Variants in MRPL24 observed in about 807,000 individuals in gnomAD.
MRPL24 encodes mitochondrial ribosomal protein L24.
A neutral mutation model predicts 26.9 loss-of-function variants in MRPL24; 15 were observed. The ratio of observed to expected loss-of-function variants is 0.56; its 90% CI spans 0.37 to 0.86. The LOEUF is 0.86. MRPL24 is among the 40% of genes least tolerant of loss of function. The probability of loss-of-function intolerance (pLI) is 0.00; values close to 1 mark genes in which losing one functional copy is unlikely to be tolerated. For missense variants in MRPL24, 241 were observed against 281.4 expected, an observed-to-expected ratio of 0.86 and a Z score of 1.03; for synonymous variants, 92 against 102.4, an observed-to-expected ratio of 0.90 and a Z score of 0.62.
At chr1:156,741,229 G>A (rs1442442369), upstream of MRPL24, 1 of 152,228 alleles carries the variant, frequency 6.6e-6, no homozygotes, top group Non-Finnish European at 1.5e-5. Flanking sequence ...CTGGAAACAG[G>A]AAGTTTGGCG....
At chr1:156,737,613 C>A (rs1475351350) in intron 5 of MRPL24, 33 bp downstream of exon 5, 2 of 1,613,062 alleles carry the variant, frequency 1.2e-6, no homozygotes, top group African/African-American at 2.7e-5. Flanking sequence ...ACTCCTAGCA[C>A]CCACCCCTGA....
chr1:156,737,830 C>T, intron 4 of MRPL24, 54 bp from the exon 5 acceptor site: 1 of 1,603,668 alleles, frequency 6.2e-7, no homozygotes, highest in Admixed American at 1.7e-5. Flanking sequence ...CTGCCACCCT[C>T]CAACCCAAAA....
chr1:156,740,046 T>C (rs1408569166), intron 1 of MRPL24, among the ~76,000 whole-genome samples: 2 of 152,228 alleles, frequency 1.3e-5, no homozygotes, highest in Non-Finnish European at 2.9e-5. Context: ...TTATTTTAAA[T>C]ATTTTAACAA....
In MRPL24 at chr1:156,737,931, C is replaced by A. The variant is rs377191595; in HGVS notation, c.383+100G>T. 6 of 1,426,740 alleles carry A rather than the reference C, an allele frequency of 4.2e-6. No individual in the cohort carries two copies. In the African/African-American group the frequency reaches 7.1e-5, roughly 17 times the overall value. 88.4% of individuals were successfully genotyped at this position (1,426,740 alleles called of 1,614,324 possible). A position where few individuals can be genotyped will look rare whatever the true frequency, so the allele number is the denominator to read the frequency against. ...CAGGGAATCATGTCCATGAGATGGT[C>A]CCTCTTAATTTCCAGAGCATCCAAC... On this transcript the variant is annotated intron_variant, in intron 4 of 5. Transcript: ENST00000361531.
upstream of MRPL24, chr1:156,741,180 C>T (rs1202262235): frequency 6.6e-6 from 1 of 152,198 alleles, no homozygotes; most frequent in East Asian, 1.9e-4. Context: ...CGAATCTTAC[C>T]TCTCAGCATG....
At chr1:156,737,578 A>G (rs1649911020) in intron 5 of MRPL24, 44 bp from the exon 6 acceptor site, 2 of 1,604,604 alleles carry the variant, frequency 1.2e-6, no homozygotes, top group South Asian at 1.1e-5. Flanking sequence ...GGGCTTGCCA[A>G]CTTTCATTAA....
upstream of MRPL24, among the ~76,000 whole-genome samples, chr1:156,741,897 T>C (rs1650144729): frequency 6.6e-6 from 1 of 152,224 alleles, no homozygotes; most frequent in Non-Finnish European, 1.5e-5. Context: ...CCAGGTGCGT[T>C]AAACAGTGGC....
intron 1 of MRPL24, 39 bp from the exon 2 acceptor site, chr1:156,738,803 G>A: frequency 8.5e-7 from 1 of 1,178,572 alleles, no homozygotes; most frequent in South Asian, 1.6e-5. Context: ...AGAGGCAAGG[G>A]AAGGAACATT....
Position 156,738,383 on chromosome 1 carries a change from A to G in MRPL24, c.239T>C (p.Ile80Thr), listed in dbSNP as rs1649959823. The G allele has an allele frequency of 1.9e-6, 3 of 1,613,986 alleles. No homozygotes were observed. The highest frequency in any genetic ancestry group is 1.1e-5 in the South Asian group (1 of 91,074). ...CACGACCACCCAGTTTCGCTGCCGGATAACTTGAACCACTTTGCCCTGCTT... is the reference window on the plus strand; with the variant it reads ...CACGACCACCCAGTTTCGCTGCCGGGTAACTTGAACCACTTTGCCCTGCTT... The part of the protein sequence containing the change: ...AGKQGKVVQV[I>T]RQRNWVVVGG... The change falls in exon 3 of 6, where the codon ATC becomes ACC. Residue 80 changes from isoleucine to threonine, a missense_variant. Ile to Thr is a moderately conservative substitution (Grantham distance 89). Coordinates refer to ENST00000361531, the MANE Select transcript of MRPL24 (RefSeq NM_145729.3).
intron 1 of MRPL24, chr1:156,740,695 T>G (rs747599625): frequency 6.6e-6 from 1 of 152,276 alleles, no homozygotes; most frequent in Non-Finnish European, 1.5e-5. Flanking sequence ...AATCCAGGTC[T>G]GAACCACCCC....
chr1:156,738,705 G>T lies in MRPL24; in HGVS notation c.-1C>A. ...AGGCCAGCAGGGCAGAAAGACGCAT[G>T]CCTGGAGGTTGTAAGAAATCCCTTT... On this transcript the variant is annotated 5_prime_UTR_variant, in exon 2 of 6. Transcript: ENST00000361531. The T allele has an allele frequency of 6.3e-7, 1 of 1,575,284 alleles. No individual in the cohort carries two copies. The highest frequency in any genetic ancestry group is 8.6e-7 in the Non-Finnish European group (1 of 1,166,702).
At position 156,737,693 on chromosome 1, in the gene MRPL24, T is replaced by G. The variant is rs988081497; in HGVS notation, c.467A>C (p.Lys156Thr). Residue 156 changes from lysine (K) to threonine (T), a missense_variant, in exon 5 of 6, where the codon AAA becomes ACA. Coordinates refer to ENST00000361531, the MANE Select transcript of MRPL24 (RefSeq NM_145729.3). Reference protein sequence around the residue: ...VSTRSGRIIPKPEFPRADGIV... With the variant: ...VSTRSGRIIPTPEFPRADGIV... ...GCCATCAGCTCTGGGAAATTCGGGT[T>G]TAGGGATAATTCTCCCTGATCGTGT... The G allele has an allele frequency of 1.1e-5, 17 of 1,614,192 alleles. No individual in the cohort carries two copies. The highest frequency in any genetic ancestry group is 1.4e-5 in the Non-Finnish European group (17 of 1,180,040).
At chr1:156,737,620 C>T in intron 5 of MRPL24, 26 bp downstream of exon 5, 2 of 1,613,778 alleles carry the variant, frequency 1.2e-6, no homozygotes, top group South Asian at 1.1e-5. Context: ...GCACCCACCC[C>T]TGACCTTCCT....
In MRPL24 at chr1:156,741,033, C is replaced by T. The variant is rs1038641347; in HGVS notation, c.-82G>A. On this transcript the variant is annotated 5_prime_UTR_variant, in exon 1 of 6. Coordinates refer to ENST00000361531, the MANE Select transcript of MRPL24 (RefSeq NM_145729.3). ...GCACCTGCCTCTCGGACGGGCACCT[C>T]TAGGGCGGGCGGCCCTCACCTCCAC... 1 of 152,410 alleles carries T rather than the reference C, an allele frequency of 6.6e-6. No individual in the cohort carries two copies. The allele number at this position is 152,410 out of a possible 1,614,324, so 9.4% of individuals were successfully genotyped here. A position where few individuals can be genotyped will look rare whatever the true frequency, so the allele number is the denominator to read the frequency against.
intron 4 of MRPL24, 62 bp downstream of exon 4, chr1:156,737,969 T>A: frequency 6.5e-7 from 1 of 1,535,552 alleles, no homozygotes; most frequent in Non-Finnish European, 9.0e-7. Flanking sequence ...ACCATTCCCA[T>A]TGGACAGCAC....
Position 156,737,760 on chromosome 1 carries a change from C to T in MRPL24, c.400G>A (p.Glu134Lys), listed in dbSNP as rs374104638. ...DPMDRKPTEI[E>K]WRFTEAGERV... ...TCTCCTGCTTCAGTAAATCTCCACT[C>T]GATCTCAGTGGGTTTCCTGGTGGAT... Residue 134 changes from glutamate (E) to lysine (K), a missense_variant, in exon 5 of 6, where the codon GAG becomes AAG. Coordinates refer to ENST00000361531, the MANE Select transcript of MRPL24 (RefSeq NM_145729.3). 13 of 1,614,048 alleles carry T rather than the reference C, an allele frequency of 8.1e-6. No individual in the cohort carries two copies. Among genetic ancestry groups the T allele is most frequent in the South Asian group, 3.3e-5 (3 of 91,078 alleles).
At position 156,737,928 on chromosome 1, in the gene MRPL24, G is replaced by A. The variant is rs574601805; in HGVS notation, c.383+103C>T. The A allele has an allele frequency of 3.1e-5, 44 of 1,420,110 alleles. No individual in the cohort carries two copies. The African/African-American group carries it at 6.2e-4, about 20-fold the overall frequency. The allele number at this position is 1,420,110 out of a possible 1,614,324, so 88.0% of individuals were successfully genotyped here. ...CCGCAGGGAATCATGTCCATGAGAT[G>A]GTCCCTCTTAATTTCCAGAGCATCC... On this transcript the variant is annotated intron_variant, in intron 4 of 5. Transcript: ENST00000361531.
At chr1:156,741,515 A>G (rs886507826), upstream of MRPL24, 1 of 152,210 alleles carries the variant, frequency 6.6e-6, no homozygotes, top group Non-Finnish European at 1.5e-5. Context: ...AACTGCCGGT[A>G]GGCTTTCTAG....
At chr1:156,739,602 C>T (rs551647780) in intron 1 of MRPL24, among the ~76,000 whole-genome samples, 62 of 152,058 alleles carry the variant, frequency 4.1e-4, no homozygotes, top group African/African-American at 1.4e-3. Context: ...AGTCAGACCA[C>T]CTGGGTTCTA....
Sources: gnomAD v4.1 joint callset for allele counts (sites outside exome capture counted in the v4.1 genomes callset) on GRCh38, gnomAD v4.1.1 for gene constraint, MANE v1.5 for transcripts, NCBI Gene and HGNC (gene_info 2026-07-23, HGNC 2026-07-21) for gene names.